RERE: variants seen among roughly 807,000 people sequenced by gnomAD.
The protein encoded by RERE is arginine-glutamic acid dipeptide repeats protein.
Under a neutral mutation model 146.1 loss-of-function variants are expected in RERE, and 40 were observed. The observed-to-expected ratio is 0.27, with a 90% CI of 0.21 to 0.36. The LOEUF (loss-of-function observed/expected upper bound fraction) is 0.36, where lower values mean the gene tolerates loss of function less well. RERE is among the 10% of genes least tolerant of loss of function. RERE has a pLI of 1.00. For missense variants in RERE, 1,933 were observed against 2,138.7 expected, an observed-to-expected ratio of 0.90 and a Z score of 1.90; for synonymous variants, 1,003 against 866.0, an observed-to-expected ratio of 1.16 and a Z score of -2.78.
rs1445255473 is a variant in RERE, at chr1:8,724,893, A to AAAAG, written c.-144-68453_-144-68452insCTTT. 4.0e-5 allele frequency among the ~76,000 whole-genome samples: 6 copies of AAAAG among 149,884 alleles called. No individual in the cohort carries two copies. The East Asian group carries it at 1.2e-3, about 29-fold the overall frequency. On this transcript the variant is annotated intron_variant, in intron 1 of 22. Coordinates refer to ENST00000400908, the MANE Select transcript of RERE (RefSeq NM_001042681.2). ...TACTTTGTAAAAAAAAAAAAAAACA[A>AAAAG]CTCAACCTTCTTTCCTAGAAACTTT...
chr1:8,634,365 T>C (rs908628746), intron 2 of RERE, among the ~76,000 whole-genome samples: 1 of 152,206 alleles, frequency 6.6e-6, no homozygotes, highest in Non-Finnish European at 1.5e-5. Context: ...TCCTTTCTAC[T>C]TTTTTTATCT....
chr1:8,591,225 C>T (rs1339442218), intron 4 of RERE, among the ~76,000 whole-genome samples: 1 of 152,060 alleles, frequency 6.6e-6, no homozygotes, highest in Non-Finnish European at 1.5e-5. Context: ...ATAAGGAACG[C>T]CTTTCTCTAT....
intron 1 of RERE, among the ~76,000 whole-genome samples, chr1:8,793,499 T>C (rs1641407097): frequency 6.6e-6 from 1 of 152,076 alleles, no homozygotes; most frequent in Admixed American, 6.6e-5. Flanking sequence ...CCAAGCAAAA[T>C]GGACTTGGGG....
intron 1 of RERE, among the ~76,000 whole-genome samples, chr1:8,755,743 G>A (rs558229022): frequency 3.3e-5 from 5 of 152,186 alleles, no homozygotes; most frequent in African/African-American, 1.2e-4. Context: ...GTCAGAATCT[G>A]TTTTTAACAT....
chr1:8,759,070 G>A lies in RERE; in HGVS notation c.-145+58090C>T, dbSNP rs978236236. ...GCCGGAGGATTGCTTAAGCCCAGGA[G>A]TTGGAGACCAGCCTGGGCAACACAG... On this transcript the variant is annotated intron_variant, in intron 1 of 22. Transcript: ENST00000400908. Among the ~76,000 whole-genome samples, 4 of 152,188 alleles carry A rather than the reference G, an allele frequency of 2.6e-5. No individual in the cohort carries two copies. The South Asian group carries it at 8.3e-4, about 32-fold the overall frequency.
In RERE at chr1:8,377,802, G is replaced by A. The variant is rs529456660; in HGVS notation, c.1285-11828C>T. ...GACGAACGATGAAGGATGAGAGAGC[G>A]AGGCCTGCCGCAGGACGTTTGAAAG... On this transcript the variant is annotated intron_variant, in intron 12 of 22. Transcript: ENST00000400908. 7.5e-4 allele frequency among the ~76,000 whole-genome samples: 114 copies of A among 152,288 alleles called. 2 individuals are homozygous for A. Among genetic ancestry groups the A allele is most frequent in the South Asian group, 1.0e-3 (5 of 4,824 alleles).
At chr1:8,620,642 T>C (rs1029613791) in intron 3 of RERE, among the ~76,000 whole-genome samples, 2 of 152,060 alleles carry the variant, frequency 1.3e-5, no homozygotes, top group African/African-American at 4.8e-5. Context: ...TACTAGTCCT[T>C]CAAAAAGCTA....
intron 10 of RERE, among the ~76,000 whole-genome samples, chr1:8,480,374 G>A (rs750826641): frequency 8.0e-5 from 12 of 150,222 alleles, no homozygotes; most frequent in East Asian, 2.0e-4. Context: ...TCTTGATGTC[G>A]TGATCCGCCC....
At chr1:8,441,523 A>C (rs1289269330) in intron 11 of RERE, among the ~76,000 whole-genome samples, 1 of 152,288 alleles carries the variant, frequency 6.6e-6, no homozygotes, top group Non-Finnish European at 1.5e-5. Context: ...CTCTGAGGTC[A>C]GGATGAGAAA....
At chr1:8,778,975 T>C (rs1271507221) in intron 1 of RERE, among the ~76,000 whole-genome samples, 1 of 151,974 alleles carries the variant, frequency 6.6e-6, no homozygotes, top group Non-Finnish European at 1.5e-5. Context: ...AGCTCCCAAG[T>C]GGCTGGGATT....
rs183755126 is a variant in RERE at position 8,751,346 on chromosome 1, C to A, written c.-145+65814G>T. Among the ~76,000 whole-genome samples, 123 of 152,312 alleles carry A rather than the reference C, an allele frequency of 8.1e-4. 1 individual carries two copies. The highest frequency in any genetic ancestry group is 1.5e-4 in the Non-Finnish European group (10 of 68,024). On this transcript the variant is annotated intron_variant, in intron 1 of 22. Coordinates refer to ENST00000400908, the MANE Select transcript of RERE (RefSeq NM_001042681.2). Reference sequence around the variant, plus strand: ...AGTCTCTCATTTGCTCCTTACTACACTCTATGAGTCTAATATCTCCAAATA... The same window carrying A: ...AGTCTCTCATTTGCTCCTTACTACAATCTATGAGTCTAATATCTCCAAATA...
chr1:8,591,797 A>G (rs1646497540), intron 4 of RERE, among the ~76,000 whole-genome samples: 1 of 152,228 alleles, frequency 6.6e-6, no homozygotes, highest in Non-Finnish European at 1.5e-5. Context: ...CACACTTACT[A>G]TGCCAAATGC....
intron 11 of RERE, among the ~76,000 whole-genome samples, chr1:8,461,739 A>G (rs1009191252): frequency 1.3e-5 from 2 of 152,244 alleles, no homozygotes; most frequent in Non-Finnish European, 2.9e-5. Flanking sequence ...TGAAAGACCT[A>G]GGAAAAAGAG....
At chr1:8,498,358 T>C (rs905639301) in intron 8 of RERE, among the ~76,000 whole-genome samples, 1 of 149,612 alleles carries the variant, frequency 6.7e-6, no homozygotes, top group Non-Finnish European at 1.5e-5. Flanking sequence ...AAATTCCATC[T>C]CAAAAATAAA....
chr1:8,482,456 T>C lies in RERE; in HGVS notation c.1104+12607A>G, dbSNP rs892323589. Among the ~76,000 whole-genome samples, 4 of 151,010 alleles carry C rather than the reference T, an allele frequency of 2.6e-5. 1 individual carries two copies. The highest frequency in any genetic ancestry group is 4.2e-4 in the South Asian group (2 of 4,798). ...CAGCACTTTGGGAGGCTGAGGCGGG[T>C]GGATCACGAGGTTAGGAGATCAAGA... On this transcript the variant is annotated intron_variant, in intron 10 of 22. Transcript: ENST00000400908.
At chr1:8,470,976 C>T (rs1309035938) in intron 10 of RERE, among the ~76,000 whole-genome samples, 1 of 151,358 alleles carries the variant, frequency 6.6e-6, no homozygotes, top group African/African-American at 2.4e-5. Context: ...GCCACCACAC[C>T]CAGCTAATTT....
intron 4 of RERE, among the ~76,000 whole-genome samples, chr1:8,569,430 A>G (rs190028614): frequency 1.9e-3 from 286 of 152,322 alleles, no homozygotes; most frequent in African/African-American, 6.4e-3. Flanking sequence ...CCACACATCA[A>G]TGGTGGGGTC....
intron 1 of RERE, among the ~76,000 whole-genome samples, chr1:8,667,815 C>G (rs1041842038): frequency 1.3e-5 from 2 of 152,228 alleles, no homozygotes; most frequent in Non-Finnish European, 2.9e-5. Flanking sequence ...CTCTTCTACT[C>G]AGCAGGTTAA....
At chr1:8,783,140 C>G (rs1641196109) in intron 1 of RERE, among the ~76,000 whole-genome samples, 1 of 152,158 alleles carries the variant, frequency 6.6e-6, no homozygotes, top group Non-Finnish European at 1.5e-5. Flanking sequence ...TCAAGACCAG[C>G]CTGGGCAACA....
Sources: allele counts gnomAD v4.1 joint callset (sites outside exome capture counted in the v4.1 genomes callset), GRCh38; gene constraint gnomAD v4.1.1; transcripts MANE v1.5; gene names NCBI Gene and HGNC (gene_info 2026-07-23, HGNC 2026-07-21).